Variants in ADAMTSL3 observed in about 807,000 individuals in gnomAD.
ADAMTSL3 encodes the protein ADAMTS-like protein 3.
Under a neutral mutation model 201.7 loss-of-function variants are expected in ADAMTSL3, and 128 were observed. That is an observed-to-expected ratio of 0.63 (90% CI 0.55 to 0.73). The LOEUF (loss-of-function observed/expected upper bound fraction) is 0.73. ADAMTSL3 is among the 30% of genes least tolerant of loss of function. The pLI is 0.00. For synonymous variants in ADAMTSL3, 738 were observed against 748.4 expected (o/e 0.99, Z 0.23); for missense variants, 1,990 against 2,119.6 (o/e 0.94, Z 1.20).
At chr15:84,024,388 A>G (rs564343810) in intron 26 of ADAMTSL3, among the ~76,000 whole-genome samples, 7 of 152,336 alleles carry the variant, frequency 4.6e-5, no homozygotes, top group African/African-American at 1.7e-4. Flanking sequence ...TACCTGTCAT[A>G]ATGTAATGTG....
At chr15:83,684,696 T>A (rs1343308352) in intron 2 of ADAMTSL3, among the ~76,000 whole-genome samples, 1 of 152,218 alleles carries the variant, frequency 6.6e-6, no homozygotes, top group African/African-American at 2.4e-5. Flanking sequence ...TTAAATATAG[T>A]TTTAATTCAT....
At chr15:83,943,357 G>T (rs1346301239) in intron 19 of ADAMTSL3, among the ~76,000 whole-genome samples, 1 of 152,136 alleles carries the variant, frequency 6.6e-6, no homozygotes, top group Non-Finnish European at 1.5e-5. Context: ...GAACTACCAG[G>T]ATCATAGTAT....
At chr15:83,761,902 A>G (rs1174409351) in intron 3 of ADAMTSL3, among the ~76,000 whole-genome samples, 1 of 152,186 alleles carries the variant, frequency 6.6e-6, no homozygotes, top group African/African-American at 2.4e-5. Context: ...GATTGCATTA[A>G]TAGGGAAAAA....
chr15:83,823,896 T>C (rs1198953148), intron 6 of ADAMTSL3, among the ~76,000 whole-genome samples: 16 of 16,880 alleles, frequency 9.5e-4, no homozygotes, highest in South Asian at 2.8e-3. Flanking sequence ...CTTCTTCCTC[T>C]TCTTCTTCTT....
intron 15 of ADAMTSL3, among the ~76,000 whole-genome samples, chr15:83,907,981 C>T (rs1298053315): frequency 2.6e-5 from 4 of 152,208 alleles, no homozygotes; most frequent in Admixed American, 6.5e-5. Flanking sequence ...TACCTTCCTA[C>T]TGACAGTGTT....
At chr15:84,035,996 A>T (rs1384993564) in intron 28 of ADAMTSL3, among the ~76,000 whole-genome samples, 1 of 152,172 alleles carries the variant, frequency 6.6e-6, no homozygotes, top group East Asian at 1.9e-4. Flanking sequence ...TCCTAAGAGA[A>T]ATACATTTCT....
chr15:84,026,810 A>G (rs769400401), intron 27 of ADAMTSL3, among the ~76,000 whole-genome samples: 13 of 152,228 alleles, frequency 8.5e-5, no homozygotes, highest in Non-Finnish European at 1.5e-4. Flanking sequence ...AGAGCTCAAT[A>G]TATAAAACTA....
chr15:83,658,108 C>T (rs549106628), intron 2 of ADAMTSL3, among the ~76,000 whole-genome samples: 180 of 152,260 alleles, frequency 1.2e-3, no homozygotes, highest in Middle Eastern at 6.8e-3. Context: ...AATAGAGTTT[C>T]CTTTCTTTTC....
chr15:83,736,002 A>G (rs1024502100), intron 3 of ADAMTSL3, among the ~76,000 whole-genome samples: 1 of 152,178 alleles, frequency 6.6e-6, no homozygotes, highest in Non-Finnish European at 1.5e-5. Context: ...CAGGAGAAAA[A>G]AAAAGAAGTT....
At chr15:83,986,837 C>T (rs2067486640) in intron 21 of ADAMTSL3, among the ~76,000 whole-genome samples, 1 of 152,162 alleles carries the variant, frequency 6.6e-6, no homozygotes, top group Non-Finnish European at 1.5e-5. Context: ...GAAAGATCAA[C>T]TTTGTTATTA....
chr15:84,014,934 T>TTG (rs1049881777), intron 24 of ADAMTSL3, among the ~76,000 whole-genome samples: 2 of 142,562 alleles, frequency 1.4e-5, no homozygotes, highest in South Asian at 2.3e-4. Flanking sequence ...ATGTTAGTGT[T>TTG]TGTGTGTGTG....
chr15:83,933,949 A>C (rs2142013085), intron 17 of ADAMTSL3, among the ~76,000 whole-genome samples: 1 of 152,318 alleles, frequency 6.6e-6, no homozygotes, highest in Admixed American at 6.5e-5. Context: ...TCCAGGCAGA[A>C]GTTTGCTGTA....
In ADAMTSL3 at chr15:83,704,376, T is replaced by G; in HGVS notation, c.70-13T>G. On this transcript the variant is annotated splice_polypyrimidine_tract_variant and intron_variant, in intron 2 of 29. Transcript: ENST00000286744. ...TGGAGCCTTATTTGTGACCAAATGA[T>G]CTTGTTTTTCAGACCACAGCTGAGA... 4.3e-6 allele frequency: 7 copies of G among 1,614,140 alleles called. No homozygotes were observed. Among genetic ancestry groups the G allele is most frequent in the Non-Finnish European group, 5.9e-6 (7 of 1,180,004 alleles).
At chr15:84,030,620 A>G (rs2068390307) in intron 27 of ADAMTSL3, among the ~76,000 whole-genome samples, 1 of 152,072 alleles carries the variant, frequency 6.6e-6, no homozygotes, top group African/African-American at 2.4e-5. Context: ...GAGACTTTGG[A>G]CTTGGACTTT....
chr15:83,888,022 G>A (rs74024595), intron 10 of ADAMTSL3, among the ~76,000 whole-genome samples: 1,584 of 152,342 alleles, frequency 0.01, 34 homozygotes, highest in African/African-American at 0.036. Flanking sequence ...GTGGGATTCA[G>A]CTTAGTCCAG....
At chr15:83,872,449 TAGAC>T (rs1416381796) in intron 9 of ADAMTSL3, among the ~76,000 whole-genome samples, 3 of 152,298 alleles carry the variant, frequency 2.0e-5, no homozygotes, top group East Asian at 1.9e-4. Flanking sequence ...ATAGTCTTCT[TAGAC>T]AGTCATATTA....
Position 83,903,922 on chromosome 15 carries a change from A to G in ADAMTSL3, c.1700+4191A>G, listed in dbSNP as rs1192744934. Among the ~76,000 whole-genome samples the G allele has an allele frequency of 6.2e-3, 188 of 30,084 alleles. 1 individual carries two copies. The highest frequency in any genetic ancestry group is 0.028 in the East Asian group (24 of 872). 19.7% of individuals were successfully genotyped at this position (30,084 alleles called of 152,430 possible). On this transcript the variant is annotated intron_variant, in intron 15 of 29. Coordinates refer to ENST00000286744, the MANE Select transcript of ADAMTSL3 (RefSeq NM_207517.3). The stretch of plus-strand genomic sequence containing the variant: ...GACAGTGCCAGACTCCACATCAAAA[A>G]AAAAAAAAAAAAAAAAAAAAAAGAA...
At chr15:83,683,028 G>A (rs1271610310) in intron 2 of ADAMTSL3, among the ~76,000 whole-genome samples, 2 of 152,128 alleles carry the variant, frequency 1.3e-5, no homozygotes, top group Non-Finnish European at 2.9e-5. Context: ...AGAGTACAAG[G>A]AAATTCACTT....
intron 3 of ADAMTSL3, among the ~76,000 whole-genome samples, chr15:83,737,668 A>G (rs1412070228): frequency 2.0e-5 from 3 of 152,186 alleles, no homozygotes; most frequent in Non-Finnish European, 4.4e-5. Context: ...CAATAACCAA[A>G]CAATTGAAGA....
Sources: gnomAD v4.1 joint callset for allele counts (sites outside exome capture counted in the v4.1 genomes callset) on GRCh38, gnomAD v4.1.1 for gene constraint, MANE v1.5 for transcripts, NCBI Gene and HGNC (gene_info 2026-07-23, HGNC 2026-07-21) for gene names.